KANK1: variants seen among roughly 807,000 people sequenced by gnomAD.
KANK1 encodes KN motif and ankyrin repeat domains 1, also known as KN motif and ankyrin repeat domain-containing protein 1.
KANK1 carries 109 observed loss-of-function variants against 106.2 expected under a neutral mutation model. That is an observed-to-expected ratio of 1.03 (90% confidence interval 0.88 to 1.20). KANK1 has a LOEUF of 1.20. Among genes scored for constraint, KANK1 ranks in the 50% most tolerant of loss-of-function variants. The probability of loss-of-function intolerance (pLI) is 0.00; values close to 1 mark genes in which losing one functional copy is unlikely to be tolerated. For synonymous variants in KANK1, 873 were observed against 652.2 expected (o/e 1.34, Z -5.16); for missense variants, 2,399 against 1,710.7 (o/e 1.40, Z -7.10).
At chr9:571,058 T>C (rs938304792) in intron 1 of KANK1, among the ~76,000 whole-genome samples, 3 of 152,188 alleles carry the variant, frequency 2.0e-5, no homozygotes. Flanking sequence ...GTCAAATTGA[T>C]TTCTTGTAAA....
intron 1 of KANK1, among the ~76,000 whole-genome samples, chr9:642,140 A>G (rs1838603379): frequency 6.6e-6 from 1 of 152,164 alleles, no homozygotes; most frequent in South Asian, 2.1e-4. Flanking sequence ...TTCTGTGCGG[A>G]TTAAACCAGC....
In KANK1 at chr9:730,264, C is replaced by CA; in HGVS notation, c.2896+17dup. On this transcript the variant is annotated intron_variant, in intron 4 of 11. Coordinates refer to ENST00000382297, the MANE Select transcript of KANK1 (RefSeq NM_015158.5). Reference sequence around the variant, plus strand: ...GGCCTCTATGGTAACTTTTCTCACTCACAGTCATTGGCATCAGGATTCTAG... The same window carrying CA: ...GGCCTCTATGGTAACTTTTCTCACTCAACAGTCATTGGCATCAGGATTCTAG... 1 of 1,612,748 alleles carries CA rather than the reference C, an allele frequency of 6.2e-7. No homozygotes were observed. Among genetic ancestry groups the CA allele is most frequent in the Non-Finnish European group, 8.5e-7 (1 of 1,178,708 alleles).
At chr9:647,286 G>T (rs1839888271) in intron 1 of KANK1, among the ~76,000 whole-genome samples, 1 of 149,122 alleles carries the variant, frequency 6.7e-6, no homozygotes, top group African/African-American at 2.6e-5. Context: ...ATTATGACTA[G>T]ACAACTAAGT....
At position 745,411 on chromosome 9, in the gene KANK1, A is replaced by C; in HGVS notation, c.*176A>C. On this transcript the variant is annotated 3_prime_UTR_variant, in exon 12 of 12. Coordinates refer to ENST00000382297, the MANE Select transcript of KANK1 (RefSeq NM_015158.5). Reference sequence around the variant, plus strand: ...GTGCAGAGACTGCTAGCCTGGGCACACACACCTCCTTTCTGGCCGTCTTCT... The same window carrying C: ...GTGCAGAGACTGCTAGCCTGGGCACCCACACCTCCTTTCTGGCCGTCTTCT... 1 of 699,840 alleles carries C rather than the reference A, an allele frequency of 1.4e-6. No homozygotes were observed. The highest frequency in any genetic ancestry group is 2.6e-5 in the Admixed American group (1 of 38,236). The allele number at this position is 699,840 out of a possible 1,614,324, so 43.4% of individuals were successfully genotyped here.
Position 712,692 on chromosome 9 carries a change from A to G in KANK1, c.1926A>G (p.Pro642=), listed in dbSNP as rs1589123003. The G allele has an allele frequency of 1.9e-6, 3 of 1,614,064 alleles. No individual in the cohort carries two copies. Among genetic ancestry groups the G allele is most frequent in the Non-Finnish European group, 8.5e-7 (1 of 1,179,996 alleles). Residue 642 remains proline, a synonymous_variant, in exon 3 of 12, where the codon CCA becomes CCG. Coordinates refer to ENST00000382297, the MANE Select transcript of KANK1 (RefSeq NM_015158.5). ...CTGTTGACGTGACCGTCTGCTCTCC[A>G]AAGGAGTGCGCCTCCCGGGGCGTGA... ...DCSVDVTVCS[P]KECASRGVNT...
chr9:741,791 C>G (rs1039479225), intron 9 of KANK1, among the ~76,000 whole-genome samples: 1 of 151,594 alleles, frequency 6.6e-6, no homozygotes, highest in South Asian at 2.1e-4. Flanking sequence ...CAGCCCCTGG[C>G]TTTTTTTTAA....
rs1012095302 is a variant in KANK1 at position 734,847 on chromosome 9, C to T, written c.3333+12C>T. The T allele has an allele frequency of 6.3e-7, 1 of 1,589,262 alleles. No homozygotes were observed. The highest frequency in any genetic ancestry group is 1.1e-5 in the South Asian group (1 of 90,546). On this transcript the variant is annotated intron_variant, in intron 7 of 11. Transcript: ENST00000382297. ...CCAGCAAAGATATGGTGAGTCTGAC[C>T]TGCAAACACCATCCCCAGTGTGTAC... is the stretch of plus-strand genomic sequence containing the variant.
intron 1 of KANK1, among the ~76,000 whole-genome samples, chr9:633,514 C>G (rs750907389): frequency 6.6e-6 from 1 of 152,154 alleles, no homozygotes; most frequent in East Asian, 1.9e-4. Flanking sequence ...CAAGTTACTT[C>G]CAACAGTGCT....
chr9:592,889 A>G (rs10491598), intron 1 of KANK1, among the ~76,000 whole-genome samples: 53,014 of 151,514 alleles, frequency 0.35, 10,357 homozygotes, highest in African/African-American at 0.49. Flanking sequence ...TTTGTGCAAA[A>G]CGTAAATGCA....
intron 1 of KANK1, among the ~76,000 whole-genome samples, chr9:571,934 T>C (rs1292667311): frequency 6.6e-6 from 1 of 152,184 alleles, no homozygotes; most frequent in Non-Finnish European, 1.5e-5. Flanking sequence ...GTTCACCAGG[T>C]GATAGTATTC....
chr9:631,441 C>T (rs994940016), intron 1 of KANK1, among the ~76,000 whole-genome samples: 2 of 152,126 alleles, frequency 1.3e-5, no homozygotes, highest in African/African-American at 4.8e-5. Flanking sequence ...CCCTTGAGCT[C>T]AGCCATCCCA....
intron 1 of KANK1, among the ~76,000 whole-genome samples, chr9:519,076 A>G (rs1304045256): frequency 3.3e-5 from 5 of 151,466 alleles, no homozygotes; most frequent in African/African-American, 1.2e-4. Flanking sequence ...GTTTAATAGA[A>G]ACGGGGTTTC....
At position 712,644 on chromosome 9, in the gene KANK1, G is replaced by GTCTATCGGTTGTGGAGATTGTTCTGTT; in HGVS notation, c.1879_1905dup (p.Ser627_Val635dup). On this transcript the variant is annotated inframe_insertion, in exon 3 of 12. Transcript: ENST00000382297. ...CAAACTTGAATCTCAAAGAAGTGCG[G>GTCTATCGGTTGTGGAGATTGTTCTGTT]TCTATCGGTTGTGGAGATTGTTCTG... 1 of 1,614,162 alleles carries GTCTATCGGTTGTGGAGATTGTTCTGTT rather than the reference G, an allele frequency of 6.2e-7. No homozygotes were observed. Among genetic ancestry groups the GTCTATCGGTTGTGGAGATTGTTCTGTT allele is most frequent in the Non-Finnish European group, 8.5e-7 (1 of 1,180,038 alleles).
At chr9:688,333 T>C in intron 2 of KANK1, among the ~76,000 whole-genome samples, 1 of 152,198 alleles carries the variant, frequency 6.6e-6, no homozygotes, top group African/African-American at 2.4e-5. Flanking sequence ...TTGCTGGGTG[T>C]GGTGGCTCAT....
chr9:611,880 G>A (rs867207959), intron 1 of KANK1, among the ~76,000 whole-genome samples: 2 of 152,012 alleles, frequency 1.3e-5, no homozygotes, highest in South Asian at 2.1e-4. Context: ...CACCACACCC[G>A]GCTAATTTTT....
chr9:743,847 C>T (rs977372365), intron 10 of KANK1, among the ~76,000 whole-genome samples: 5 of 152,166 alleles, frequency 3.3e-5, no homozygotes, highest in African/African-American at 1.2e-4. Flanking sequence ...GGGAGACAAA[C>T]CCTGTCTCAA....
chr9:596,500 A>T (rs764150328), intron 1 of KANK1, among the ~76,000 whole-genome samples: 3 of 151,754 alleles, frequency 2.0e-5, no homozygotes, highest in Non-Finnish European at 4.4e-5. Context: ...TTTTGCTGTC[A>T]CGGAGCCAGT....
chr9:725,029 A>T (rs1271357908), intron 3 of KANK1, among the ~76,000 whole-genome samples: 1 of 152,168 alleles, frequency 6.6e-6, no homozygotes, highest in African/African-American at 2.4e-5. Context: ...TGGACCGCTG[A>T]ATTCAGTATT....
At chr9:576,967 G>C (rs528265966) in intron 1 of KANK1, among the ~76,000 whole-genome samples, 1 of 152,300 alleles carries the variant, frequency 6.6e-6, no homozygotes, top group South Asian at 2.1e-4. Context: ...AAGATGGTGT[G>C]TCCGGAGTTT....
Sources: allele counts gnomAD v4.1 joint callset (sites outside exome capture counted in the v4.1 genomes callset), GRCh38; gene constraint gnomAD v4.1.1; transcripts MANE v1.5; gene names NCBI Gene and HGNC (gene_info 2026-07-23, HGNC 2026-07-21).